TANC2: variants seen among roughly 807,000 people sequenced by gnomAD.
TANC2 encodes tetratricopeptide repeat, ankyrin repeat and coiled-coil containing 2, also known as protein TANC2.
Under a neutral mutation model 210.5 loss-of-function variants are expected in TANC2, and 26 were observed. The ratio of observed to expected loss-of-function variants is 0.12; its 90% CI spans 0.09 to 0.17. The LOEUF (loss-of-function observed/expected upper bound fraction) is 0.17, where lower values mean the gene tolerates loss of function less well. TANC2 is among the 10% of genes least tolerant of loss of function. TANC2 has a pLI of 1.00. For missense variants in TANC2, 2,129 were observed against 2,608.9 expected (o/e 0.82, Z 4.01); for synonymous variants, 931 against 967.1 (o/e 0.96, Z 0.69).
At position 63,351,486 on chromosome 17, in the gene TANC2, G is replaced by A. The variant is rs556651578; in HGVS notation, c.1974+70G>A. On this transcript the variant is annotated intron_variant, in intron 13 of 27. Transcript: ENST00000689528. The stretch of plus-strand genomic sequence containing the variant: ...AAGAGCTTAGACTGAAAAAGTTCTA[G>A]GTCCTAGTTTCATAAACTTCTACTA... 137 of 1,338,638 alleles carry A rather than the reference G, an allele frequency of 1.0e-4. 2 individuals are homozygous for A. The South Asian group carries it at 2.3e-3, about 22-fold the overall frequency. The allele number at this position is 1,338,638 out of a possible 1,614,324, so 82.9% of individuals were successfully genotyped here.
intron 10 of TANC2, among the ~76,000 whole-genome samples, chr17:63,317,994 A>C (rs2045367398): frequency 6.6e-6 from 1 of 152,250 alleles, no homozygotes; most frequent in Non-Finnish European, 1.5e-5. Context: ...AATGTCACAC[A>C]GTCCTTGAGG....
chr17:63,331,376 G>A (rs186439420), intron 11 of TANC2, among the ~76,000 whole-genome samples: 46 of 152,316 alleles, frequency 3.0e-4, no homozygotes, highest in Admixed American at 1.0e-3. Flanking sequence ...AAGGCTTTTA[G>A]TGTACTTTAC....
intron 24 of TANC2, chr17:63,413,225 C>A: frequency 3.9e-6 from 1 of 259,396 alleles, no homozygotes; most frequent in South Asian, 1.3e-4. Context: ...AATATAAATC[C>A]TTCCTCCCAA....
intron 2 of TANC2, among the ~76,000 whole-genome samples, chr17:63,069,962 A>G (rs78779123): frequency 0.029 from 4,491 of 152,292 alleles, 82 homozygotes; most frequent in South Asian, 0.037. Context: ...TAGGTTACCA[A>G]TAGAAACTTT....
exon 28 of TANC2, chr17:63,422,705 T>C (rs2049055975): frequency 6.6e-6 from 1 of 152,198 alleles, no homozygotes; most frequent in Non-Finnish European, 1.5e-5. Flanking sequence ...ATTAAGAGAA[T>C]TCACTGAGAG....
At chr17:63,278,541 G>A (rs756379979) in intron 9 of TANC2, among the ~76,000 whole-genome samples, 1 of 152,142 alleles carries the variant, frequency 6.6e-6, no homozygotes, top group Non-Finnish European at 1.5e-5. Context: ...AATGTAAAAT[G>A]GTGCAGTTGC....
At chr17:63,202,075 A>G (rs1422119691) in intron 7 of TANC2, among the ~76,000 whole-genome samples, 1 of 152,018 alleles carries the variant, frequency 6.6e-6, no homozygotes, top group East Asian at 1.9e-4. Context: ...TATGGAGATA[A>G]GAAGAGTAGG....
At chr17:63,169,511 G>A (rs1036906166) in intron 5 of TANC2, among the ~76,000 whole-genome samples, 2 of 152,092 alleles carry the variant, frequency 1.3e-5, no homozygotes, top group African/African-American at 4.8e-5. Context: ...TCACCATCAT[G>A]TCAGTTCTTT....
intron 1 of TANC2, among the ~76,000 whole-genome samples, chr17:62,985,207 C>G (rs553300746): frequency 1.3e-5 from 2 of 152,090 alleles, no homozygotes; most frequent in Admixed American, 6.5e-5. Context: ...TCATCTCATT[C>G]TCTCCTGGCC....
intron 11 of TANC2, among the ~76,000 whole-genome samples, chr17:63,327,459 T>G (rs543072509): frequency 2.0e-5 from 3 of 152,238 alleles, no homozygotes; most frequent in Non-Finnish European, 4.4e-5. Flanking sequence ...AGCCAAGATA[T>G]GGAACCAAGC....
chr17:63,175,440 T>C (rs2040542295), intron 5 of TANC2, among the ~76,000 whole-genome samples: 1 of 150,596 alleles, frequency 6.6e-6, no homozygotes, highest in Non-Finnish European at 1.5e-5. Context: ...GGCAAGAGGA[T>C]TGCTGGAGCC....
chr17:63,203,598 C>T (rs2041604913), intron 7 of TANC2, among the ~76,000 whole-genome samples: 1 of 152,138 alleles, frequency 6.6e-6, no homozygotes. Flanking sequence ...GGTTCTGCAG[C>T]TCTTCATATG....
At chr17:63,339,323 G>C (rs1412989244) in intron 11 of TANC2, among the ~76,000 whole-genome samples, 1 of 152,114 alleles carries the variant, frequency 6.6e-6, no homozygotes, top group Non-Finnish European at 1.5e-5. Flanking sequence ...CTTTGTACTT[G>C]CCGTGGAGGC....
chr17:63,004,592 T>TA (rs60120400), intron 1 of TANC2: 828 of 153,214 alleles, frequency 5.4e-3, no homozygotes, highest in Middle Eastern at 0.024. Context: ...AGCATAGCTT[T>TA]AAAAAAAAAA....
At chr17:63,124,942 C>T (rs139522174) in intron 4 of TANC2, among the ~76,000 whole-genome samples, 42 of 152,274 alleles carry the variant, frequency 2.8e-4, no homozygotes, top group African/African-American at 8.7e-4. Flanking sequence ...AATTGTCTTC[C>T]GCAAAATGGG....
chr17:63,405,337 A>G, intron 20 of TANC2, 82 bp downstream of exon 20: 1 of 1,413,916 alleles, frequency 7.1e-7, no homozygotes, highest in East Asian at 2.5e-5. Context: ...CAAAATGATC[A>G]CAAGTAAAGT....
intron 1 of TANC2, among the ~76,000 whole-genome samples, chr17:62,970,222 A>G (rs778779218): frequency 1.3e-5 from 2 of 152,236 alleles, no homozygotes; most frequent in Admixed American, 6.5e-5. Flanking sequence ...ATTTGTTGAT[A>G]TGGGAATTCA....
At chr17:63,200,244 A>G (rs1251710945) in intron 6 of TANC2, among the ~76,000 whole-genome samples, 1 of 151,712 alleles carries the variant, frequency 6.6e-6, no homozygotes, top group African/African-American at 2.4e-5. Flanking sequence ...AATCCCAGCT[A>G]TTTGGGAGGC....
intron 2 of TANC2, among the ~76,000 whole-genome samples, chr17:63,047,131 C>T (rs1421987845): frequency 6.6e-6 from 1 of 152,100 alleles, no homozygotes; most frequent in Non-Finnish European, 1.5e-5. Context: ...ACTGTTTTAT[C>T]CCCACTCCTT....
Sources: allele counts gnomAD v4.1 joint callset (sites outside exome capture counted in the v4.1 genomes callset), GRCh38; gene constraint gnomAD v4.1.1; transcripts MANE v1.5; gene names NCBI Gene and HGNC (gene_info 2026-07-23, HGNC 2026-07-21).